STX16: variants seen among roughly 807,000 people sequenced by gnomAD.
STX16 encodes syntaxin-16.
In STX16, 28 loss-of-function variants were observed where a neutral mutation model predicts 42.7. The ratio of observed to expected loss-of-function variants is 0.66; its 90% confidence interval spans 0.49 to 0.90. STX16 has a LOEUF of 0.90. Ranked by LOEUF, STX16 falls within the 40% of genes least tolerant of loss-of-function variation. The pLI, the probability that STX16 is intolerant of heterozygous loss-of-function variation, is 0.00. For synonymous variants in STX16, 156 were observed against 155.2 expected (o/e 1.00, Z -0.04); for missense variants, 361 against 420.9 (o/e 0.86, Z 1.24).
intron 2 of STX16, among the ~76,000 whole-genome samples, chr20:58,665,347 G>A (rs2083797312): frequency 6.6e-6 from 1 of 152,150 alleles, no homozygotes; most frequent in African/African-American, 2.4e-5. Flanking sequence ...GTGTTTTGTT[G>A]TTTTAATCTG....
chr20:58,668,507 T>C (rs961064370), intron 4 of STX16, among the ~76,000 whole-genome samples: 8 of 152,206 alleles, frequency 5.3e-5, no homozygotes, highest in Non-Finnish European at 8.8e-5. Context: ...AAAAAATTTT[T>C]TATAAATATT....
chr20:58,676,316 C>T lies in STX16; in HGVS notation c.*25C>T, dbSNP rs751752988. 2 of 1,595,938 alleles carry T rather than the reference C, an allele frequency of 1.3e-6. No homozygotes were observed. Among genetic ancestry groups the T allele is most frequent in the South Asian group, 1.1e-5 (1 of 90,678 alleles). ...AGTGGCATTGGGTTTTCGTGTGTGCCGCGCGTGTGGATCTCCCGGGTGTGA... is the reference window on the plus strand; with the variant it reads ...AGTGGCATTGGGTTTTCGTGTGTGCTGCGCGTGTGGATCTCCCGGGTGTGA... On this transcript the variant is annotated 3_prime_UTR_variant, in exon 9 of 9. Coordinates refer to ENST00000371141, the MANE Select transcript of STX16 (RefSeq NM_001001433.3).
intron 8 of STX16, 50 bp from the exon 9 acceptor site, chr20:58,676,137 T>C: frequency 6.6e-7 from 1 of 1,510,870 alleles, no homozygotes; most frequent in East Asian, 2.3e-5. Flanking sequence ...TGGGACTTGA[T>C]TTGGGATTTT....
intron 2 of STX16, among the ~76,000 whole-genome samples, chr20:58,660,174 T>G (rs554580022): frequency 2.6e-4 from 40 of 152,360 alleles, no homozygotes; most frequent in Non-Finnish European, 4.9e-4. Context: ...GCCTTTGGCC[T>G]TTTTATTAGC....
chr20:58,673,149 C>G (rs545917151), intron 7 of STX16, among the ~76,000 whole-genome samples: 56 of 152,328 alleles, frequency 3.7e-4, no homozygotes, highest in African/African-American at 1.3e-3. Context: ...ATTTCCTGCT[C>G]TGACCCATAG....
intron 4 of STX16, among the ~76,000 whole-genome samples, chr20:58,668,493 C>T (rs6092674): frequency 6.6e-6 from 1 of 151,926 alleles, no homozygotes; most frequent in African/African-American, 2.4e-5. Flanking sequence ...ACTTAGTATC[C>T]TAGAAAAAAT....
At chr20:58,660,989 G>A (rs1245325390) in intron 2 of STX16, among the ~76,000 whole-genome samples, 1 of 151,212 alleles carries the variant, frequency 6.6e-6, no homozygotes. Context: ...AGGTGTCATG[G>A]TCATGCCTGT....
At chr20:58,671,322 A>C in intron 7 of STX16, 25 bp downstream of exon 7, 1 of 1,587,280 alleles carries the variant, frequency 6.3e-7, no homozygotes, top group Non-Finnish European at 8.6e-7. Context: ...CTTCCTCGTG[A>C]ATAGGTTTTC....
intron 3 of STX16, 77 bp downstream of exon 3, chr20:58,667,674 T>G: frequency 7.7e-7 from 1 of 1,303,906 alleles, no homozygotes; most frequent in South Asian, 1.2e-5. Flanking sequence ...ATCTGTCATA[T>G]AAACGAATTT....
chr20:58,668,894 T>C (rs558184015), intron 4 of STX16, among the ~76,000 whole-genome samples: 37 of 152,296 alleles, frequency 2.4e-4, no homozygotes, highest in African/African-American at 7.7e-4. Context: ...AATATGACAC[T>C]CAAAGGAATG....
chr20:58,670,298 TTTGTC>T (rs1400189231), intron 5 of STX16, among the ~76,000 whole-genome samples: 1 of 152,242 alleles, frequency 6.6e-6, no homozygotes, highest in African/African-American at 2.4e-5. Context: ...CACTGTGACT[TTTGTC>T]TTGAGTAATC....
At chr20:58,660,713 C>CT (rs10706096) in intron 2 of STX16, among the ~76,000 whole-genome samples, 6,032 of 70,720 alleles carry the variant, frequency 0.085, 964 homozygotes, top group African/African-American at 0.12. Flanking sequence ...ATTCCTGCTC[C>CT]TTTTTTTTTT....
rs1056403261 is a variant in STX16 at position 58,657,720 on chromosome 20, G to C, written c.133-1903G>C. On this transcript the variant is annotated intron_variant, in intron 1 of 8. Transcript: ENST00000371141. This position sits in a 1 kb window ranked among gnomAD's most constrained non-coding sequence, Gnocchi z 4.2. ...GGTAATTCTAAATGTTTTAATTCAG[G>C]TCTTGACTAAATTTCCTGGTAATTT... Among the ~76,000 whole-genome samples, 1 of 152,138 alleles carries C rather than the reference G, an allele frequency of 6.6e-6. No homozygotes were observed. The highest frequency in any genetic ancestry group is 2.4e-5 in the African/African-American group (1 of 41,434).
intron 2 of STX16, 104 bp from the exon 3 acceptor site, chr20:58,667,386 C>G: frequency 1.1e-6 from 1 of 946,640 alleles, no homozygotes; most frequent in Non-Finnish European, 1.7e-6. Flanking sequence ...AACATTCACT[C>G]CTTTCTGTAT....
intron 1 of STX16, among the ~76,000 whole-genome samples, chr20:58,654,109 A>G (rs1489863082): frequency 6.6e-6 from 1 of 152,192 alleles, no homozygotes; most frequent in Admixed American, 6.5e-5. Flanking sequence ...ATAGATTTCT[A>G]AACCCAACTA....
chr20:58,661,242 G>T (rs2083692064), intron 2 of STX16, among the ~76,000 whole-genome samples: 1 of 152,232 alleles, frequency 6.6e-6, no homozygotes, highest in South Asian at 2.1e-4. Context: ...GTTCCAAGGA[G>T]GGGCACATAA....
In STX16 at chr20:58,659,090, C is replaced by T. The variant is rs1424489749; in HGVS notation, c.133-533C>T. Among the ~76,000 whole-genome samples the T allele has an allele frequency of 3.9e-5, 6 of 152,374 alleles. No homozygotes were observed. The South Asian group carries it at 8.3e-4, about 21-fold the overall frequency. ...GAGACCTTACATATGTGGTCACTCA[C>T]ATGTTATCTGAATACAGCTACAGAC... is the stretch of plus-strand genomic sequence containing the variant. On this transcript the variant is annotated intron_variant, in intron 1 of 8. Transcript: ENST00000371141.
chr20:58,667,191 A>C (rs551545712), intron 2 of STX16: 49 of 472,886 alleles, frequency 1.0e-4, no homozygotes, highest in South Asian at 7.8e-4. Flanking sequence ...TTTTCATTAC[A>C]TTTCTATAGC....
intron 1 of STX16, among the ~76,000 whole-genome samples, chr20:58,654,288 T>C (rs1398773459): frequency 6.6e-6 from 1 of 152,192 alleles, no homozygotes; most frequent in East Asian, 1.9e-4. Flanking sequence ...AAATAGGTTT[T>C]GCAGTCTAAC....
Sources: allele counts gnomAD v4.1 joint callset (sites outside exome capture counted in the v4.1 genomes callset), GRCh38; gene constraint gnomAD v4.1.1; non-coding constraint Gnocchi (gnomAD v3.1); transcripts MANE v1.5; gene names NCBI Gene and HGNC (gene_info 2026-07-23, HGNC 2026-07-21).